GALNT13: variants seen among roughly 807,000 people sequenced by gnomAD.
The protein encoded by GALNT13 is UDP-GalNAc:polypeptide N-acetylgalactosaminyltransferase 13.
In GALNT13, 28 loss-of-function variants were observed where a neutral mutation model predicts 64.2. That is an observed-to-expected ratio of 0.44 (90% CI 0.32 to 0.60). GALNT13 has a LOEUF of 0.60. GALNT13 is among the 20% of genes least tolerant of loss of function. The pLI is 0.05. For synonymous variants in GALNT13, 214 were observed against 224.6 expected (o/e 0.95, Z 0.42); for missense variants, 577 against 669.8 (o/e 0.86, Z 1.53).
At chr2:154,138,584 A>C (rs1574578446) in intron 3 of GALNT13, among the ~76,000 whole-genome samples, 1 of 151,770 alleles carries the variant, frequency 6.6e-6, no homozygotes, top group African/African-American at 2.4e-5. Context: ...AAAAAAAAAA[A>C]AAAAACCTAA....
intron 4 of GALNT13, among the ~76,000 whole-genome samples, chr2:154,183,602 C>T (rs77704760): frequency 0.15 from 22,100 of 151,972 alleles, 2,058 homozygotes; most frequent in East Asian, 0.26. Flanking sequence ...GTCCCAGATA[C>T]TTGGGGGACT....
chr2:154,346,409 C>A (rs1021398344), intron 9 of GALNT13, among the ~76,000 whole-genome samples: 1 of 152,054 alleles, frequency 6.6e-6, no homozygotes, highest in South Asian at 2.1e-4. Flanking sequence ...CAAGTCTCAT[C>A]TTGAATTGTG....
intron 2 of GALNT13, among the ~76,000 whole-genome samples, chr2:153,942,702 T>C (rs1691421248): frequency 6.6e-6 from 1 of 152,070 alleles, no homozygotes; most frequent in Non-Finnish European, 1.5e-5. Flanking sequence ...TATATATATA[T>C]ATACACATTC....
chr2:153,913,942 A>T (rs1004011212), intron 2 of GALNT13, among the ~76,000 whole-genome samples: 1 of 152,158 alleles, frequency 6.6e-6, no homozygotes, highest in Non-Finnish European at 1.5e-5. Flanking sequence ...ATCTTAAAAA[A>T]TTATTTTCTC....
chr2:154,271,532 A>G (rs1443425152), intron 8 of GALNT13, among the ~76,000 whole-genome samples: 2 of 151,954 alleles, frequency 1.3e-5, no homozygotes, highest in Admixed American at 1.3e-4. Flanking sequence ...ACAGAATACC[A>G]CATCTGTGGA....
chr2:153,738,047 T>C, the GALNT13 span, among the ~76,000 whole-genome samples: 1 of 152,028 alleles, frequency 6.6e-6, no homozygotes, highest in Non-Finnish European at 1.5e-5. Context: ...TTTGTTTTGC[T>C]CTTGGTTTTC....
At chr2:153,271,056 A>G in the GALNT13 span, among the ~76,000 whole-genome samples, 1 of 152,188 alleles carries the variant, frequency 6.6e-6, no homozygotes, top group Non-Finnish European at 1.5e-5. Context: ...GGCCTTCAAT[A>G]AAATTCAACA....
chr2:153,623,052 GACTTCTTTATT>G, the GALNT13 span, among the ~76,000 whole-genome samples: 1 of 152,034 alleles, frequency 6.6e-6, no homozygotes, highest in Non-Finnish European at 1.5e-5. Flanking sequence ...TGGATATTGT[GACTTCTTTATT>G]AATTCTGATG....
the GALNT13 span, among the ~76,000 whole-genome samples, chr2:153,296,055 C>T: frequency 5.5e-4 from 83 of 152,130 alleles, no homozygotes; most frequent in African/African-American, 2.2e-4. Context: ...AATGCTGCTC[C>T]GCTCTCCAGA....
At chr2:153,254,853 T>A in the GALNT13 span, among the ~76,000 whole-genome samples, 1 of 152,226 alleles carries the variant, frequency 6.6e-6, no homozygotes, top group Non-Finnish European at 1.5e-5. Context: ...ATAATTTCTG[T>A]TCTTTTACAT....
intron 8 of GALNT13, among the ~76,000 whole-genome samples, chr2:154,296,576 C>T (rs532064805): frequency 9.2e-4 from 140 of 152,248 alleles, no homozygotes; most frequent in Non-Finnish European, 1.9e-3. Flanking sequence ...CGTGTCATTT[C>T]TTCTGAAATT....
intron 3 of GALNT13, among the ~76,000 whole-genome samples, chr2:154,118,015 C>T (rs1169022172): frequency 6.6e-6 from 1 of 152,164 alleles, no homozygotes; most frequent in Non-Finnish European, 1.5e-5. Context: ...AGATTCTATA[C>T]ATGTCTGTTA....
chr2:154,288,350 A>C (rs1435351018), intron 8 of GALNT13, among the ~76,000 whole-genome samples: 2 of 151,984 alleles, frequency 1.3e-5, no homozygotes, highest in Non-Finnish European at 2.9e-5. Flanking sequence ...ACAGAGCCAA[A>C]CCATATTGTT....
At chr2:153,918,630 C>A (rs993044273) in intron 2 of GALNT13, among the ~76,000 whole-genome samples, 50 of 152,224 alleles carry the variant, frequency 3.3e-4, no homozygotes, top group Middle Eastern at 3.4e-3. Context: ...CCTCTATAAA[C>A]CAATTCTTTC....
chr2:153,586,246 T>C, the GALNT13 span, among the ~76,000 whole-genome samples: 2 of 152,180 alleles, frequency 1.3e-5, no homozygotes, highest in African/African-American at 2.4e-5. Context: ...ACTTAAAAGA[T>C]ATAAATTGAT....
At chr2:154,325,356 C>A (rs529157754) in intron 9 of GALNT13, among the ~76,000 whole-genome samples, 2 of 152,242 alleles carry the variant, frequency 1.3e-5, no homozygotes, top group East Asian at 3.9e-4. Context: ...TACCAGAATT[C>A]TCCACCACTT....
chr2:154,131,661 C>T (rs1357531407), intron 3 of GALNT13, among the ~76,000 whole-genome samples: 1 of 152,140 alleles, frequency 6.6e-6, no homozygotes, highest in Non-Finnish European at 1.5e-5. Flanking sequence ...TAAAATTACC[C>T]TAGTGGGTGT....
intron 3 of GALNT13, among the ~76,000 whole-genome samples, chr2:154,129,142 C>T (rs1254880770): frequency 6.6e-6 from 1 of 151,882 alleles, no homozygotes; most frequent in African/African-American, 2.4e-5. Flanking sequence ...TTTAGGATTC[C>T]ACTATATGTG....
At chr2:153,230,752 T>G in the GALNT13 span, among the ~76,000 whole-genome samples, 2 of 152,222 alleles carry the variant, frequency 1.3e-5, no homozygotes, top group African/African-American at 4.8e-5. Flanking sequence ...ATGTCCTCTT[T>G]ATTTTCCCCT....
Sources: gnomAD v4.1 joint callset for allele counts (sites outside exome capture counted in the v4.1 genomes callset) on GRCh38, gnomAD v4.1.1 for gene constraint, MANE v1.5 for transcripts, NCBI Gene and HGNC (gene_info 2026-07-23, HGNC 2026-07-21) for gene names.